CMC1: variants seen among roughly 807,000 people sequenced by gnomAD.
The protein encoded by CMC1 is C-X9-C motif containing 1, also known as COX assembly mitochondrial protein homolog.
Under a neutral mutation model 14.1 loss-of-function variants are expected in CMC1, and 14 were observed. That is an observed-to-expected ratio of 0.99 (90% CI 0.66 to 1.55). The LOEUF is 1.55. Ranked by LOEUF, CMC1 falls within the 40% of genes most tolerant of loss-of-function variation. CMC1 has a pLI of 0.00. For missense variants in CMC1, 127 were observed against 123.8 expected, an observed-to-expected ratio of 1.03 and a Z score of -0.12; for synonymous variants, 50 against 38.4, an observed-to-expected ratio of 1.30 and a Z score of -1.12.
At chr3:28,295,573 C>G (rs1367450482) in intron 2 of CMC1, among the ~76,000 whole-genome samples, 1 of 152,092 alleles carries the variant, frequency 6.6e-6, no homozygotes, top group African/African-American at 2.4e-5. Flanking sequence ...CCCTTAACTT[C>G]TCTCTCTTTT....
intron 2 of CMC1, among the ~76,000 whole-genome samples, chr3:28,267,943 A>G (rs1219424445): frequency 6.6e-6 from 1 of 152,210 alleles, no homozygotes; most frequent in Non-Finnish European, 1.5e-5. Context: ...TTTGAGGTGT[A>G]CCACTCTTAT....
intron 1 of CMC1, among the ~76,000 whole-genome samples, chr3:28,256,735 A>C (rs951677948): frequency 6.6e-6 from 1 of 152,206 alleles, no homozygotes; most frequent in African/African-American, 2.4e-5. Context: ...CATGGTGACA[A>C]CTTGAAAAGA....
intron 2 of CMC1, among the ~76,000 whole-genome samples, chr3:28,263,811 A>T (rs539332648): frequency 6.6e-6 from 1 of 152,232 alleles, no homozygotes; most frequent in African/African-American, 2.4e-5. Flanking sequence ...CTGAATTGTT[A>T]ATAGAATCCT....
At chr3:28,304,077 T>C (rs1158061190) in intron 2 of CMC1, among the ~76,000 whole-genome samples, 1 of 152,112 alleles carries the variant, frequency 6.6e-6, no homozygotes, top group African/African-American at 2.4e-5. Context: ...TCTTTAGCTA[T>C]GTTGTCCAAC....
intron 1 of CMC1, chr3:28,253,790 T>A (rs774828245): frequency 1.1e-5 from 13 of 1,205,052 alleles, no homozygotes; most frequent in African/African-American, 4.7e-5. Context: ...GTAAATTTTT[T>A]AAAAAATGGC....
intron 2 of CMC1, among the ~76,000 whole-genome samples, chr3:28,285,546 G>A (rs1690835632): frequency 6.6e-6 from 1 of 151,896 alleles, no homozygotes; most frequent in African/African-American, 2.4e-5. Flanking sequence ...GTAGGAAGTG[G>A]GTAAGGGATG....
intron 2 of CMC1, among the ~76,000 whole-genome samples, chr3:28,285,575 G>A (rs1273769152): frequency 6.6e-6 from 1 of 151,800 alleles, no homozygotes; most frequent in Non-Finnish European, 1.5e-5. Context: ...ATTGGGTACA[G>A]GGTACTGTAT....
At chr3:28,283,357 TA>T (rs563565277) in intron 2 of CMC1, among the ~76,000 whole-genome samples, 5,259 of 142,364 alleles carry the variant, frequency 0.037, 128 homozygotes, top group Non-Finnish European at 0.054. Context: ...CTACTAAAAA[TA>T]AAAAAAAAAA....
intron 2 of CMC1, among the ~76,000 whole-genome samples, chr3:28,311,002 C>T (rs1559445231): frequency 6.6e-6 from 1 of 152,248 alleles, no homozygotes; most frequent in East Asian, 1.9e-4. Context: ...ACGCTCACCT[C>T]CTGCTGTCCC....
chr3:28,303,693 GA>G (rs1702170100), intron 2 of CMC1, among the ~76,000 whole-genome samples: 2 of 152,168 alleles, frequency 1.3e-5, no homozygotes, highest in African/African-American at 4.8e-5. Context: ...AAAGCTGGTA[GA>G]AAATGAGAAT....
At chr3:28,249,775 A>T (rs1699029317) in intron 1 of CMC1, among the ~76,000 whole-genome samples, 1 of 152,036 alleles carries the variant, frequency 6.6e-6, no homozygotes. Context: ...AGTGACCCAC[A>T]CAACATAGAC....
At chr3:28,251,541 A>T (rs1323744012) in intron 1 of CMC1, among the ~76,000 whole-genome samples, 2 of 152,216 alleles carry the variant, frequency 1.3e-5, no homozygotes, top group Non-Finnish European at 2.9e-5. Context: ...CACCCCAAAA[A>T]AGTTATATTA....
At chr3:28,288,805 T>A (rs907629434) in intron 2 of CMC1, among the ~76,000 whole-genome samples, 3 of 151,636 alleles carry the variant, frequency 2.0e-5, no homozygotes, top group African/African-American at 7.2e-5. Flanking sequence ...TTTTATAATT[T>A]TTATTTTTAT....
chr3:28,276,958 T>C, intron 2 of CMC1, among the ~76,000 whole-genome samples: 1 of 152,178 alleles, frequency 6.6e-6, no homozygotes, highest in East Asian at 1.9e-4. Context: ...TTTTGTTACA[T>C]TTATAGAGCC....
At chr3:28,302,872 G>C (rs1441483561) in intron 2 of CMC1, among the ~76,000 whole-genome samples, 1 of 152,114 alleles carries the variant, frequency 6.6e-6, no homozygotes, top group South Asian at 2.1e-4. Context: ...CCTGGGTTAA[G>C]TCTCTATTGC....
chr3:28,281,071 C>T (rs966157652), intron 2 of CMC1, among the ~76,000 whole-genome samples: 4 of 152,178 alleles, frequency 2.6e-5, no homozygotes, highest in Admixed American at 6.5e-5. Context: ...CATTTCCTGA[C>T]TCCTGGTTTA....
At chr3:28,282,540 T>C (rs1358705550) in intron 2 of CMC1, among the ~76,000 whole-genome samples, 1 of 152,228 alleles carries the variant, frequency 6.6e-6, no homozygotes, top group Non-Finnish European at 1.5e-5. Context: ...TAAAGAAATA[T>C]GTTCTTTGCT....
Position 28,321,562 on chromosome 3 carries a change from C to T in CMC1, c.*1933C>T, listed in dbSNP as rs1436030066. The stretch of plus-strand genomic sequence containing the variant: ...ATCTGTCTCAGTTGTGTCTTGCTTG[C>T]TTATGGGTGCCTCTGTTGATATTAT... On this transcript the variant is annotated 3_prime_UTR_variant, in exon 4 of 4. Transcript: ENST00000466830. 3 of 151,304 alleles carry T rather than the reference C, an allele frequency of 2.0e-5. No homozygotes were observed. Among genetic ancestry groups the T allele is most frequent in the Non-Finnish European group, 4.4e-5 (3 of 67,528 alleles). 9.4% of individuals were successfully genotyped at this position (151,304 alleles called of 1,614,324 possible). A position where few individuals can be genotyped will look rare whatever the true frequency, so the allele number is the denominator to read the frequency against.
In CMC1 at chr3:28,262,799, A is replaced by G. The variant is rs528491983; in HGVS notation, c.20-492A>G. Among the ~76,000 whole-genome samples the G allele has an allele frequency of 1.3e-3, 192 of 152,286 alleles. 1 individual carries two copies. The highest frequency in any genetic ancestry group is 2.2e-3 in the Non-Finnish European group (149 of 68,006). On this transcript the variant is annotated intron_variant, in intron 1 of 3. Transcript: ENST00000466830. ...TGGAAGTTGTGTTTAAAATGCAGAG[A>G]AATCACACACGCTTTGTTTTCATAT...
Sources: gnomAD v4.1 joint callset for allele counts (sites outside exome capture counted in the v4.1 genomes callset) on GRCh38, gnomAD v4.1.1 for gene constraint, MANE v1.5 for transcripts, NCBI Gene and HGNC (gene_info 2026-07-23, HGNC 2026-07-21) for gene names.